The following RP1 variants were observed in gnomAD, a reference collection of about 807,000 sequenced individuals.
RP1 encodes the protein oxygen-regulated protein 1.
Under a neutral mutation model 14.8 loss-of-function variants are expected in RP1, and 16 were observed. That is an observed-to-expected ratio of 1.08 (90% CI 0.73 to 1.65). The LOEUF (loss-of-function observed/expected upper bound fraction) is 1.65. Ranked by LOEUF, RP1 falls within the 40% of genes most tolerant of loss-of-function variation. The pLI is 0.00. For missense variants in RP1, 2,631 were observed against 2,535.0 expected (o/e 1.04, Z -0.81); for synonymous variants, 876 against 883.6 (o/e 0.99, Z 0.15).
chr8:54,581,031 T>C (rs1362558038), intron 1 of RP1, among the ~76,000 whole-genome samples: 4 of 152,088 alleles, frequency 2.6e-5, no homozygotes, highest in African/African-American at 7.2e-5. Context: ...ATACTTTAAG[T>C]TTTAAGGTAT....
chr8:54,609,979 T>A (rs1187516345), intron 1 of RP1, among the ~76,000 whole-genome samples: 1 of 152,158 alleles, frequency 6.6e-6, no homozygotes, highest in Non-Finnish European at 1.5e-5. Context: ...ATTTTAAATA[T>A]GGAAAAACAA....
chr8:54,807,344 T>C lies in RP1; in HGVS notation c.3615+23634T>C, dbSNP rs79735852. On this transcript the variant is annotated intron_variant, in intron 24 of 28. Coordinates refer to the RP1 transcript ENST00000637698. ...GAACTGGAAATTTTATTTTCCTTTT[T>C]TTAGTTAGAAGAAATTATGGTAGTT... Among the ~76,000 whole-genome samples, 888 of 152,330 alleles carry C rather than the reference T, an allele frequency of 5.8e-3. 7 individuals carry two copies. The highest frequency in any genetic ancestry group is 0.02 in the African/African-American group (841 of 41,570).
intron 22 of RP1, among the ~76,000 whole-genome samples, chr8:54,767,064 G>A (rs1447921681): frequency 6.6e-6 from 1 of 152,184 alleles, no homozygotes; most frequent in African/African-American, 2.4e-5. Flanking sequence ...AGAAAAGTAG[G>A]ATGGTTGTTT....
intron 1 of RP1, among the ~76,000 whole-genome samples, chr8:54,562,195 T>A (rs1459592977): frequency 2.6e-5 from 4 of 152,238 alleles, no homozygotes; most frequent in African/African-American, 9.6e-5. Flanking sequence ...TTTCATGTCA[T>A]AGCTATGCTC....
intron 18 of RP1, among the ~76,000 whole-genome samples, chr8:54,736,490 G>C (rs1336388517): frequency 1.3e-5 from 2 of 152,178 alleles, no homozygotes; most frequent in African/African-American, 4.8e-5. Context: ...AAGCCTTGCT[G>C]TGTAGTTTAA....
At chr8:54,788,839 A>G (rs538759576) in intron 24 of RP1, among the ~76,000 whole-genome samples, 15 of 152,190 alleles carry the variant, frequency 9.9e-5, no homozygotes, top group Non-Finnish European at 2.1e-4. Flanking sequence ...ACTAACAATC[A>G]TCTACAGAGA....
chr8:54,615,734 A>G (rs983938691), upstream of RP1, among the ~76,000 whole-genome samples: 1 of 152,240 alleles, frequency 6.6e-6, no homozygotes, highest in Non-Finnish European at 1.5e-5. Context: ...TACCAGGAGC[A>G]AGTACTGACT....
intron 24 of RP1, among the ~76,000 whole-genome samples, chr8:54,829,494 G>A (rs1159353131): frequency 6.6e-6 from 1 of 152,128 alleles, no homozygotes; most frequent in Non-Finnish European, 1.5e-5. Context: ...CAAAGCAGAA[G>A]AATCACAAGT....
intron 19 of RP1, among the ~76,000 whole-genome samples, chr8:54,740,501 A>G (rs1428850565): frequency 6.6e-6 from 1 of 151,266 alleles, no homozygotes; most frequent in East Asian, 1.9e-4. Context: ...AGGTGGGTGG[A>G]TCATGAGGTC....
At chr8:54,562,670 G>A (rs1301718459) in intron 1 of RP1, among the ~76,000 whole-genome samples, 5 of 141,992 alleles carry the variant, frequency 3.5e-5, no homozygotes, top group African/African-American at 1.0e-4. Flanking sequence ...GGGAAACTCC[G>A]TCTCAAAAAA....
At chr8:54,750,171 C>A (rs1809322487) in intron 19 of RP1, among the ~76,000 whole-genome samples, 1 of 152,058 alleles carries the variant, frequency 6.6e-6, no homozygotes, top group South Asian at 2.1e-4. Context: ...GAACCACAAT[C>A]CCAAATAATT....
chr8:54,738,923 C>A, intron 18 of RP1: 1 of 1,393,244 alleles, frequency 7.2e-7, no homozygotes, highest in Non-Finnish European at 9.4e-7. Context: ...TAATTTTTTT[C>A]TCCTTTGCAT....
chr8:54,637,887 A>C (rs905641460), intron 3 of RP1, among the ~76,000 whole-genome samples: 5 of 152,166 alleles, frequency 3.3e-5, no homozygotes, highest in Admixed American at 2.0e-4. Context: ...ATAAAAGTGC[A>C]CATCTATTCT....
Position 54,626,465 on chromosome 8 carries a change from T to C in RP1, c.2583T>C (p.Asp861=). 1 of 1,613,800 alleles carries C rather than the reference T, an allele frequency of 6.2e-7. No homozygotes were observed. Among genetic ancestry groups the C allele is most frequent in the Non-Finnish European group, 8.5e-7 (1 of 1,179,906 alleles). Residue 861 remains aspartate (D), a synonymous_variant, in exon 4 of 4, where the codon GAT becomes GAC. Transcript: ENST00000220676. ...AGAGTTTAGTTTCAAAAGTTACTGA[T>C]TCACACATAACTTTAAAAAGCCAGA... is the stretch of plus-strand genomic sequence containing the variant. ...AKKSLVSKVT[D]SHITLKSQKK...
intron 24 of RP1, among the ~76,000 whole-genome samples, chr8:54,808,103 ACTTCTTT>A (rs1360784884): frequency 6.6e-6 from 1 of 152,228 alleles, no homozygotes; most frequent in African/African-American, 2.4e-5. Context: ...ATATCATGAA[ACTTCTTT>A]CAACAACCGA....
At chr8:54,790,815 A>C (rs967136159) in intron 24 of RP1, among the ~76,000 whole-genome samples, 11 of 152,214 alleles carry the variant, frequency 7.2e-5, no homozygotes, top group Non-Finnish European at 1.5e-4. Context: ...AAAAGGAAAC[A>C]AAATAATTTT....
chr8:54,629,822 T>C lies in RP1; in HGVS notation c.5940T>C (p.Leu1980=), dbSNP rs1443451405. 7 of 1,612,930 alleles carry C rather than the reference T, an allele frequency of 4.3e-6. No individual in the cohort carries two copies. In the South Asian group the frequency reaches 7.7e-5, roughly 18 times the overall value. Residue 1980 remains leucine, a synonymous_variant, in exon 4 of 4, where the codon CTT becomes CTC. Transcript: ENST00000220676. ...ENNKASMRQN[L]IDNAIGDIFD... ...ATAAAGCAAGTATGAGACAAAATCT[T>C]ATTGATAATGCCATTGGTGATATAT...
At chr8:54,853,811 A>G (rs1213688818) in intron 26 of RP1, among the ~76,000 whole-genome samples, 1 of 149,282 alleles carries the variant, frequency 6.7e-6, no homozygotes, top group Non-Finnish European at 1.5e-5. Context: ...AAAGAAAGAG[A>G]AAGGAAGGAA....
At chr8:54,612,860 C>CT, upstream of RP1, among the ~76,000 whole-genome samples, 1 of 152,316 alleles carries the variant, frequency 6.6e-6, no homozygotes, top group East Asian at 1.9e-4. Context: ...ACACCATTTC[C>CT]CCTGACTACT....
Sources: gnomAD v4.1 joint callset for allele counts (sites outside exome capture counted in the v4.1 genomes callset) on GRCh38, gnomAD v4.1.1 for gene constraint, MANE v1.5 for transcripts, NCBI Gene and HGNC (gene_info 2026-07-23, HGNC 2026-07-21) for gene names.